Variants in CADPS observed in about 807,000 individuals in gnomAD.
The protein encoded by CADPS is calcium dependent secretion activator, also known as calcium-dependent secretion activator 1.
A neutral mutation model predicts 167.3 loss-of-function variants in CADPS; 57 were observed. The ratio of observed to expected loss-of-function variants is 0.34; its 90% confidence interval spans 0.28 to 0.42. The LOEUF (loss-of-function observed/expected upper bound fraction) is 0.42. CADPS is among the 20% of genes least tolerant of loss of function. The probability of loss-of-function intolerance (pLI) is 1.00; values close to 1 mark genes in which losing one functional copy is unlikely to be tolerated. For missense variants in CADPS, 1,414 were observed against 1,738.1 expected (o/e 0.81, Z 3.32); for synonymous variants, 676 against 635.3 (o/e 1.06, Z -0.96).
intron 1 of CADPS, among the ~76,000 whole-genome samples, chr3:62,779,942 T>C (rs2091229559): frequency 6.6e-6 from 1 of 152,244 alleles, no homozygotes; most frequent in Admixed American, 6.5e-5. Flanking sequence ...AATTAGGTTG[T>C]CATTTGATGC....
chr3:62,399,433 G>C lies in CADPS; in HGVS notation c.4035C>G (p.Ser1345Arg). ...AATCGTCTTCTTCGTCTTCCTCATC[G>C]CTGTCCTTCATGCTGATGCCCTGCA... ...GGLQGISMKD[S>R]DEEDEEDD Residue 1345 changes from serine to arginine, a missense_variant, in exon 30 of 30, where the codon AGC (serine) becomes AGG (arginine). Coordinates refer to ENST00000383710, the MANE Select transcript of CADPS (RefSeq NM_003716.4). The surrounding 1 kb of genome is among the most constrained non-coding windows in gnomAD (Gnocchi z 5.6). The C allele has an allele frequency of 6.2e-7, 1 of 1,614,066 alleles. No homozygotes were observed. The highest frequency in any genetic ancestry group is 8.5e-7 in the Non-Finnish European group (1 of 1,179,970).
chr3:62,665,394 G>A (rs903899322), intron 3 of CADPS, among the ~76,000 whole-genome samples: 3 of 152,114 alleles, frequency 2.0e-5, no homozygotes, highest in Non-Finnish European at 2.9e-5. Context: ...CCCATTTGAC[G>A]GATGTGGAAA....
intron 9 of CADPS, among the ~76,000 whole-genome samples, chr3:62,570,250 AAAG>A (rs201142859): frequency 0.012 from 1,871 of 151,890 alleles, 35 homozygotes; most frequent in African/African-American, 0.042. Flanking sequence ...AAAAAAAAAA[AAAG>A]AAGTTTAATA....
intron 6 of CADPS, among the ~76,000 whole-genome samples, chr3:62,633,966 A>G (rs1252590257): frequency 6.6e-6 from 1 of 152,160 alleles, no homozygotes; most frequent in African/African-American, 2.4e-5. Flanking sequence ...TATACAACAC[A>G]CTTAGGACAG....
chr3:62,728,624 T>G (rs1575561253), intron 3 of CADPS, among the ~76,000 whole-genome samples: 2 of 152,038 alleles, frequency 1.3e-5, no homozygotes, highest in South Asian at 4.1e-4. Flanking sequence ...CAAATGTAAA[T>G]GTTCTCTTAA....
chr3:62,601,740 G>A lies in CADPS; in HGVS notation c.1326-8992C>T, dbSNP rs2060002194. ...TATTAATATCAAATAATAAACATGA[G>A]TAGCAGATGATTCATATTTAGGGGG... On this transcript the variant is annotated intron_variant, in intron 6 of 29. Coordinates refer to ENST00000383710, the MANE Select transcript of CADPS (RefSeq NM_003716.4). The surrounding 1 kb of genome is among the most constrained non-coding windows in gnomAD (Gnocchi z 4.3). 2.0e-5 allele frequency among the ~76,000 whole-genome samples: 3 copies of A among 152,302 alleles called. No individual in the cohort carries two copies. In the South Asian group the frequency reaches 6.2e-4, roughly 32 times the overall value.
intron 1 of CADPS, among the ~76,000 whole-genome samples, chr3:62,855,759 G>A (rs1205183354): frequency 6.6e-6 from 1 of 152,084 alleles, no homozygotes; most frequent in Non-Finnish European, 1.5e-5. Context: ...GCTGATTGAA[G>A]TTTCATATCC....
chr3:62,720,469 C>A (rs1272179659), intron 3 of CADPS, among the ~76,000 whole-genome samples: 1 of 151,980 alleles, frequency 6.6e-6, no homozygotes, highest in African/African-American at 2.4e-5. Flanking sequence ...GTAGCTAGGA[C>A]TACAGACATG....
chr3:62,590,495 C>T lies in CADPS; in HGVS notation c.1437+2142G>A, dbSNP rs557100411. 1.2e-4 allele frequency among the ~76,000 whole-genome samples: 18 copies of T among 152,296 alleles called. No individual in the cohort carries two copies. In the South Asian group the frequency reaches 1.7e-3, roughly 14 times the overall value. ...ATTTTCTTTCATCATCCCCTTTCCT[C>T]CCACTTTTCTGGGTAGGGACACTGT... On this transcript the variant is annotated intron_variant, in intron 7 of 29. Coordinates refer to ENST00000383710, the MANE Select transcript of CADPS (RefSeq NM_003716.4).
chr3:62,866,068 A>G (rs2081618817), intron 1 of CADPS, among the ~76,000 whole-genome samples: 1 of 152,116 alleles, frequency 6.6e-6, no homozygotes, highest in Non-Finnish European at 1.5e-5. Context: ...TTAATGTTTG[A>G]TCACTTAAAC....
At chr3:62,558,977 C>G (rs990126052) in intron 9 of CADPS, among the ~76,000 whole-genome samples, 9 of 151,978 alleles carry the variant, frequency 5.9e-5, no homozygotes, top group Non-Finnish European at 1.0e-4. Context: ...GTTCCATGGG[C>G]CTGGGGTCCC....
At chr3:62,669,814 C>G (rs2075184770) in intron 3 of CADPS, among the ~76,000 whole-genome samples, 1 of 152,300 alleles carries the variant, frequency 6.6e-6, no homozygotes, top group South Asian at 2.1e-4. Flanking sequence ...GGCATGCAGT[C>G]ACGTTCAGTA....
chr3:62,595,796 T>C (rs1050471176), intron 6 of CADPS, among the ~76,000 whole-genome samples: 2 of 152,120 alleles, frequency 1.3e-5, no homozygotes, highest in Non-Finnish European at 2.9e-5. Context: ...TTTGAGTCAG[T>C]GGGCTGGCAA....
intron 3 of CADPS, among the ~76,000 whole-genome samples, chr3:62,703,772 G>C (rs1360206144): frequency 1.3e-5 from 2 of 152,130 alleles, no homozygotes; most frequent in African/African-American, 4.8e-5. Flanking sequence ...GAAATGCCTG[G>C]TTGTATTTTC....
intron 6 of CADPS, among the ~76,000 whole-genome samples, chr3:62,624,598 A>C (rs1339259097): frequency 6.6e-6 from 1 of 151,856 alleles, no homozygotes; most frequent in Non-Finnish European, 1.5e-5. Flanking sequence ...CTTTTTTCAG[A>C]TGAACTTGCT....
chr3:62,664,146 A>G (rs1048736197), intron 3 of CADPS, among the ~76,000 whole-genome samples: 5 of 152,120 alleles, frequency 3.3e-5, no homozygotes, highest in African/African-American at 9.7e-5. Flanking sequence ...AGCTGGGATT[A>G]CAGGCGCATG....
chr3:62,627,198 T>C (rs930338658), intron 6 of CADPS, among the ~76,000 whole-genome samples: 1 of 152,012 alleles, frequency 6.6e-6, no homozygotes, highest in African/African-American at 2.4e-5. Flanking sequence ...TTAATTGTCA[T>C]ATTCTGATTC....
At chr3:62,735,981 AG>A (rs1378912720) in intron 3 of CADPS, among the ~76,000 whole-genome samples, 1 of 152,206 alleles carries the variant, frequency 6.6e-6, no homozygotes, top group African/African-American at 2.4e-5. Context: ...CAGCTAGACC[AG>A]TGGGATCTAA....
intron 27 of CADPS, among the ~76,000 whole-genome samples, chr3:62,443,035 T>C (rs2056615880): frequency 6.6e-6 from 1 of 152,246 alleles, no homozygotes; most frequent in Non-Finnish European, 1.5e-5. Context: ...ACATTTAGCT[T>C]TGTCCTAAGT....
Sources: gnomAD v4.1 joint callset for allele counts (sites outside exome capture counted in the v4.1 genomes callset) on GRCh38, gnomAD v4.1.1 for gene constraint, Gnocchi (gnomAD v3.1) non-coding constraint, MANE v1.5 for transcripts, NCBI Gene and HGNC (gene_info 2026-07-23, HGNC 2026-07-21) for gene names.